Variants in WDPCP observed in about 807,000 individuals in gnomAD.
WDPCP encodes the protein WD repeat-containing and planar cell polarity effector protein fritz homolog.
In WDPCP, 71 loss-of-function variants were observed where a neutral mutation model predicts 93.1. The observed-to-expected ratio is 0.76, with a 90% CI of 0.63 to 0.93. The LOEUF is 0.93. Among genes scored for constraint, WDPCP ranks in the 40% least tolerant of loss-of-function variants. The pLI, the probability that WDPCP is intolerant of heterozygous loss-of-function variation, is 0.00. For synonymous variants in WDPCP, 315 were observed against 315.0 expected, an observed-to-expected ratio of 1.00 and a Z score of 0.00; for missense variants, 844 against 887.4, an observed-to-expected ratio of 0.95 and a Z score of 0.62.
intron 12 of WDPCP, among the ~76,000 whole-genome samples, chr2:63,313,569 A>C (rs1342614927): frequency 6.6e-6 from 1 of 152,112 alleles, no homozygotes; most frequent in Non-Finnish European, 1.5e-5. Flanking sequence ...GACACTGCTG[A>C]CTATGATAGC....
intron 14 of WDPCP, among the ~76,000 whole-genome samples, chr2:63,231,911 C>T (rs1473608308): frequency 2.0e-5 from 3 of 152,016 alleles, no homozygotes; most frequent in African/African-American, 4.8e-5. Flanking sequence ...GGAGGCATCA[C>T]GTTACCTGAC....
At chr2:63,493,919 A>T (rs1701047428) in intron 1 of WDPCP, among the ~76,000 whole-genome samples, 1 of 152,254 alleles carries the variant, frequency 6.6e-6, no homozygotes, top group South Asian at 2.1e-4. Flanking sequence ...ATTTTAAGAC[A>T]TATTTTAATG....
At chr2:63,537,161 T>G (rs762065667) in intron 1 of WDPCP, among the ~76,000 whole-genome samples, 7 of 152,194 alleles carry the variant, frequency 4.6e-5, no homozygotes, top group Non-Finnish European at 8.8e-5. Flanking sequence ...CCTAGTTATC[T>G]TTAACAAAAA....
rs909733398 is a variant in WDPCP at position 63,654,797 on chromosome 2, A to G, written n.309-3959T>C. ...GTACAAGGTAAATGCCATGCAAATA[A>G]TTGTTATACTGTATTGGTCTTAAAT... On this transcript the variant is annotated intron_variant and non_coding_transcript_variant, in intron 2 of 4. Transcript: ENST00000467687. Among the ~76,000 whole-genome samples, 8 of 151,882 alleles carry G rather than the reference A, an allele frequency of 5.3e-5. No individual in the cohort carries two copies. In the East Asian group the frequency reaches 1.5e-3, roughly 29 times the overall value.
intron 1 of WDPCP, among the ~76,000 whole-genome samples, chr2:63,823,775 C>T (rs1420250143): frequency 6.6e-6 from 1 of 151,986 alleles, no homozygotes; most frequent in African/African-American, 2.4e-5. Flanking sequence ...TCAAAAGCCA[C>T]CATGAAACAA....
intron 1 of WDPCP, among the ~76,000 whole-genome samples, chr2:63,522,931 A>G (rs2106173308): frequency 6.6e-6 from 1 of 152,218 alleles, no homozygotes; most frequent in Middle Eastern, 3.4e-3. Context: ...AAAAACTGAG[A>G]AGGGATTCTT....
chr2:63,673,316 G>A (rs1045593949), intron 2 of WDPCP, among the ~76,000 whole-genome samples: 7 of 152,138 alleles, frequency 4.6e-5, no homozygotes, highest in Admixed American at 4.6e-4. Flanking sequence ...TGCCTGTGAA[G>A]GATAAAGTGG....
chr2:63,457,972 A>G (rs1351857227), intron 6 of WDPCP, among the ~76,000 whole-genome samples: 2 of 151,994 alleles, frequency 1.3e-5, no homozygotes, highest in Non-Finnish European at 2.9e-5. Flanking sequence ...AAAAATACAA[A>G]AATTAGCTAG....
chr2:63,537,408 A>C (rs1704372758), intron 1 of WDPCP, among the ~76,000 whole-genome samples: 1 of 152,134 alleles, frequency 6.6e-6, no homozygotes, highest in Admixed American at 6.5e-5. Flanking sequence ...CAATTTTTCC[A>C]AAAAACAATT....
At chr2:63,387,254 T>G (rs1692809548) in intron 10 of WDPCP, among the ~76,000 whole-genome samples, 1 of 151,868 alleles carries the variant, frequency 6.6e-6, no homozygotes, top group African/African-American at 2.4e-5. Flanking sequence ...GCAAATGAAA[T>G]CCAGCAGCAC....
chr2:63,205,478 T>G (rs1054858447), intron 14 of WDPCP, among the ~76,000 whole-genome samples: 5 of 152,208 alleles, frequency 3.3e-5, no homozygotes, highest in Admixed American at 6.5e-5. Flanking sequence ...TCTTTCTACT[T>G]TTTGGTGTTC....
chr2:63,278,782 T>C (rs1683278410), intron 13 of WDPCP, among the ~76,000 whole-genome samples: 1 of 152,146 alleles, frequency 6.6e-6, no homozygotes, highest in South Asian at 2.1e-4. Flanking sequence ...GCCAAGATCA[T>C]GCCACTGCAC....
At chr2:63,504,421 G>A (rs1370687991) in intron 1 of WDPCP, among the ~76,000 whole-genome samples, 1 of 151,006 alleles carries the variant, frequency 6.6e-6, no homozygotes, top group African/African-American at 2.4e-5. Context: ...GGGAATAGCA[G>A]TTTCTCCAGA....
intron 14 of WDPCP, among the ~76,000 whole-genome samples, chr2:63,178,478 C>T (rs1028995444): frequency 6.6e-6 from 1 of 152,040 alleles, no homozygotes; most frequent in Non-Finnish European, 1.5e-5. Context: ...GTAAGTTTTC[C>T]AGTTTGTTGG....
intron 12 of WDPCP, among the ~76,000 whole-genome samples, chr2:63,320,174 A>G (rs1686977005): frequency 6.6e-6 from 1 of 152,170 alleles, no homozygotes; most frequent in Non-Finnish European, 1.5e-5. Flanking sequence ...AGGCAGTGGA[A>G]TAACATGTTT....
At chr2:63,494,430 C>G (rs1701093404) in intron 1 of WDPCP, among the ~76,000 whole-genome samples, 1 of 152,156 alleles carries the variant, frequency 6.6e-6, no homozygotes, top group Admixed American at 6.5e-5. Context: ...CTCATAGCTA[C>G]TCTTTGAGGT....
At chr2:63,207,445 G>C (rs769794765) in intron 14 of WDPCP, among the ~76,000 whole-genome samples, 7 of 152,116 alleles carry the variant, frequency 4.6e-5, no homozygotes, top group Non-Finnish European at 1.5e-5. Context: ...ACAGCCTGCG[G>C]AACTATGAGT....
At chr2:63,766,348 T>TA (rs1472465530) in intron 2 of WDPCP, among the ~76,000 whole-genome samples, 2 of 151,916 alleles carry the variant, frequency 1.3e-5, no homozygotes, top group Admixed American at 1.3e-4. Context: ...TTTTTTTTTT[T>TA]AGACAGGATC....
chr2:63,681,956 T>A (rs1291149106), intron 2 of WDPCP, among the ~76,000 whole-genome samples: 6 of 152,034 alleles, frequency 3.9e-5, no homozygotes, highest in Non-Finnish European at 8.8e-5. Flanking sequence ...TTTCCACAAG[T>A]CTGCATGAAC....
Sources: gnomAD v4.1 joint callset for allele counts (sites outside exome capture counted in the v4.1 genomes callset) on GRCh38, gnomAD v4.1.1 for gene constraint, MANE v1.5 for transcripts, NCBI Gene and HGNC (gene_info 2026-07-23, HGNC 2026-07-21) for gene names.